The following LINGO2 variants were observed in gnomAD, a reference collection of about 807,000 sequenced individuals.
LINGO2 encodes the protein leucine-rich repeat and immunoglobulin-like domain-containing nogo receptor-interacting protein 2.
In LINGO2, 14 loss-of-function variants were observed where a neutral mutation model predicts 30.6. The ratio of observed to expected loss-of-function variants is 0.46; its 90% CI spans 0.30 to 0.72. The LOEUF is 0.72. Ranked by LOEUF, LINGO2 falls within the 30% of genes least tolerant of loss-of-function variation. The probability of loss-of-function intolerance (pLI) is 0.07; values close to 1 mark genes in which losing one functional copy is unlikely to be tolerated. For synonymous variants in LINGO2, 317 were observed against 288.5 expected (o/e 1.10, Z -1.00); for missense variants, 729 against 751.7 (o/e 0.97, Z 0.35).
the LINGO2 span, among the ~76,000 whole-genome samples, chr9:29,089,815 G>T: frequency 6.6e-6 from 1 of 152,014 alleles, no homozygotes; most frequent in Non-Finnish European, 1.5e-5. Flanking sequence ...CTAGTTCCAT[G>T]AATGTCAATC....
the LINGO2 span, among the ~76,000 whole-genome samples, chr9:28,921,694 C>A: frequency 1.3e-5 from 2 of 152,096 alleles, no homozygotes; most frequent in Admixed American, 6.6e-5. Context: ...TAAACCAGCA[C>A]GTCAGTAACT....
chr9:28,507,846 A>G (rs1451857300), intron 1 of LINGO2, among the ~76,000 whole-genome samples: 1 of 152,120 alleles, frequency 6.6e-6, no homozygotes, highest in African/African-American at 2.4e-5. Context: ...TAACTGCAAA[A>G]CTAGCATAAG....
chr9:28,548,041 T>C (rs577863646), intron 1 of LINGO2, among the ~76,000 whole-genome samples: 1 of 152,082 alleles, frequency 6.6e-6, no homozygotes, highest in South Asian at 2.1e-4. Flanking sequence ...GCAGTGAAAA[T>C]CCACCCAAGG....
the LINGO2 span, among the ~76,000 whole-genome samples, chr9:28,798,127 G>A: frequency 2.6e-5 from 4 of 152,130 alleles, no homozygotes; most frequent in Admixed American, 2.0e-4. Context: ...GAGACAGTAA[G>A]TATAGATGAT....
intron 1 of LINGO2, among the ~76,000 whole-genome samples, chr9:28,666,622 TG>T (rs1406710409): frequency 6.6e-6 from 1 of 152,184 alleles, no homozygotes; most frequent in Admixed American, 6.5e-5. Flanking sequence ...CTACCATCCT[TG>T]GTTGTACTAT....
the LINGO2 span, among the ~76,000 whole-genome samples, chr9:28,824,389 C>T: frequency 2.2e-3 from 340 of 152,240 alleles, 10 homozygotes; most frequent in East Asian, 0.041. Context: ...ACAAGTGTGA[C>T]CTGATGCTCA....
chr9:28,541,819 C>A (rs1344547515), intron 1 of LINGO2, among the ~76,000 whole-genome samples: 1 of 152,108 alleles, frequency 6.6e-6, no homozygotes, highest in Non-Finnish European at 1.5e-5. Context: ...AGTTTCAGAG[C>A]TGAATCTTGA....
At chr9:29,135,657 A>G in the LINGO2 span, among the ~76,000 whole-genome samples, 1 of 152,144 alleles carries the variant, frequency 6.6e-6, no homozygotes, top group African/African-American at 2.4e-5. Flanking sequence ...TAAAATGCAC[A>G]TAGCACAAAA....
the LINGO2 span, among the ~76,000 whole-genome samples, chr9:28,770,647 C>G: frequency 6.6e-6 from 1 of 152,076 alleles, no homozygotes; most frequent in Non-Finnish European, 1.5e-5. Context: ...AGTGAATGAT[C>G]AAATAAGAAA....
the LINGO2 span, among the ~76,000 whole-genome samples, chr9:29,087,955 T>C: frequency 7.2e-5 from 11 of 152,138 alleles, no homozygotes; most frequent in Non-Finnish European, 1.5e-4. Context: ...AGATAAGTTA[T>C]ATGCTGGCAC....
chr9:28,226,587 A>G (rs2133916880), intron 4 of LINGO2, among the ~76,000 whole-genome samples: 1 of 151,144 alleles, frequency 6.6e-6, no homozygotes, highest in African/African-American at 2.4e-5. Context: ...GAGAGAGAGA[A>G]AGAAAAAAGA....
chr9:28,790,459 G>C, the LINGO2 span, among the ~76,000 whole-genome samples: 1 of 150,498 alleles, frequency 6.6e-6, no homozygotes, highest in East Asian at 2.0e-4. Flanking sequence ...CTCTGGAGTA[G>C]CTGGGACTAC....
chr9:29,155,507 G>T, the LINGO2 span, among the ~76,000 whole-genome samples: 1 of 150,240 alleles, frequency 6.7e-6, no homozygotes, highest in South Asian at 2.1e-4. Context: ...ATAAATATGT[G>T]ACCTAGATAT....
intron 4 of LINGO2, among the ~76,000 whole-genome samples, chr9:28,082,449 T>G (rs1483552950): frequency 6.7e-6 from 1 of 150,138 alleles, no homozygotes. Context: ...CAGAAATAAG[T>G]CACATCTTAA....
the LINGO2 span, among the ~76,000 whole-genome samples, chr9:29,118,947 T>C: frequency 1.6e-4 from 25 of 152,242 alleles, no homozygotes; most frequent in African/African-American, 5.8e-4. Flanking sequence ...GAAGTTCTAT[T>C]ACCTGACTGC....
intron 4 of LINGO2, among the ~76,000 whole-genome samples, chr9:28,290,275 T>C (rs112083464): frequency 0.019 from 2,822 of 152,252 alleles, 43 homozygotes; most frequent in South Asian, 0.055. Flanking sequence ...TAAGTATTGG[T>C]CTTACTGGAT....
intron 4 of LINGO2, among the ~76,000 whole-genome samples, chr9:28,287,620 G>A (rs1564097271): frequency 6.6e-6 from 1 of 152,286 alleles, no homozygotes; most frequent in East Asian, 1.9e-4. Flanking sequence ...AGGAAACACA[G>A]TGATTGATGT....
At chr9:28,564,754 C>T (rs973093049) in intron 1 of LINGO2, among the ~76,000 whole-genome samples, 4 of 152,012 alleles carry the variant, frequency 2.6e-5, no homozygotes, top group African/African-American at 7.2e-5. Flanking sequence ...TTGTTACCGG[C>T]GATGTGTGTC....
chr9:28,258,449 A>T (rs927181617), intron 4 of LINGO2, among the ~76,000 whole-genome samples: 1 of 151,958 alleles, frequency 6.6e-6, no homozygotes. Context: ...CAATATAAAC[A>T]TATAAAAAGA....
Sources: allele counts gnomAD v4.1 joint callset (sites outside exome capture counted in the v4.1 genomes callset), GRCh38; gene constraint gnomAD v4.1.1; transcripts MANE v1.5; gene names NCBI Gene and HGNC (gene_info 2026-07-23, HGNC 2026-07-21).